FUT9: variants seen among roughly 807,000 people sequenced by gnomAD.
FUT9 encodes the protein 4-galactosyl-N-acetylglucosaminide 3-alpha-L-fucosyltransferase 9.
In FUT9, 15 loss-of-function variants were observed where a neutral mutation model predicts 29.7. The ratio of observed to expected loss-of-function variants is 0.51; its 90% CI spans 0.34 to 0.78. The LOEUF (loss-of-function observed/expected upper bound fraction) is 0.78, where lower values mean the gene tolerates loss of function less well. Among genes scored for constraint, FUT9 ranks in the 30% least tolerant of loss-of-function variants. The probability of loss-of-function intolerance (pLI) is 0.01; values close to 1 mark genes in which losing one functional copy is unlikely to be tolerated. For synonymous variants in FUT9, 169 were observed against 153.7 expected, an observed-to-expected ratio of 1.10 and a Z score of -0.74; for missense variants, 319 against 425.4, an observed-to-expected ratio of 0.75 and a Z score of 2.20.
intron 1 of FUT9, among the ~76,000 whole-genome samples, chr6:96,066,549 A>G (rs1156884112): frequency 1.3e-5 from 2 of 152,026 alleles, no homozygotes; most frequent in Non-Finnish European, 2.9e-5. Flanking sequence ...TTACTGTAAA[A>G]AAGAGGCCAC....
chr6:96,178,705 C>T (rs1241796662), intron 2 of FUT9, among the ~76,000 whole-genome samples: 1 of 152,020 alleles, frequency 6.6e-6, no homozygotes, highest in Non-Finnish European at 1.5e-5. Context: ...TTCAATTCCT[C>T]ATTTGATTTT....
chr6:96,167,536 T>C (rs1773036007), intron 2 of FUT9, among the ~76,000 whole-genome samples: 1 of 152,324 alleles, frequency 6.6e-6, no homozygotes, highest in Non-Finnish European at 1.5e-5. Context: ...AAGCACTTAC[T>C]GTGTGCCAGA....
chr6:96,084,653 A>G (rs1260329472), intron 1 of FUT9, among the ~76,000 whole-genome samples: 1 of 152,134 alleles, frequency 6.6e-6, no homozygotes, highest in African/African-American at 2.4e-5. Context: ...CTAGCTGTAT[A>G]TGAGCCATAA....
chr6:96,210,945 T>G lies in FUT9; in HGVS notation c.*6710T>G, dbSNP rs962278374. The stretch of plus-strand genomic sequence containing the variant: ...GGTAGCATATTTCTGAGAAATTATA[T>G]TCAGGTGACTAGATATGTGTTCAAG... On this transcript the variant is annotated 3_prime_UTR_variant, in exon 3 of 3. Coordinates refer to ENST00000302103, the MANE Select transcript of FUT9 (RefSeq NM_006581.4). 2 of 166,872 alleles carry G rather than the reference T, an allele frequency of 1.2e-5. No homozygotes were observed. The highest frequency in any genetic ancestry group is 4.8e-5 in the African/African-American group (2 of 41,434). 10.3% of individuals were successfully genotyped at this position (166,872 alleles called of 1,614,324 possible). A position where few individuals can be genotyped will look rare whatever the true frequency, so the allele number is the denominator to read the frequency against.
intron 1 of FUT9, among the ~76,000 whole-genome samples, chr6:96,052,920 AAAAAT>A (rs1276541019): frequency 6.6e-6 from 1 of 152,188 alleles, no homozygotes; most frequent in Non-Finnish European, 1.5e-5. Context: ...TTTAAAATAT[AAAAAT>A]AAAGTCTTGA....
intron 2 of FUT9, among the ~76,000 whole-genome samples, chr6:96,126,879 C>T (rs1194793020): frequency 6.6e-6 from 1 of 152,148 alleles, no homozygotes; most frequent in Admixed American, 6.5e-5. Context: ...TGGAAATGAG[C>T]CATCTGTAAT....
intron 2 of FUT9, among the ~76,000 whole-genome samples, chr6:96,114,705 T>C (rs1384867795): frequency 3.9e-5 from 6 of 152,122 alleles, no homozygotes; most frequent in Non-Finnish European, 2.9e-5. Context: ...CCTCTTACTG[T>C]TCATTTCACA....
At position 96,132,189 on chromosome 6, in the gene FUT9, T is replaced by C. The variant is rs192691164; in HGVS notation, c.-9+18062T>C. Among the ~76,000 whole-genome samples the C allele has an allele frequency of 4.5e-3, 684 of 152,186 alleles. 3 individuals carry two copies. Among genetic ancestry groups the C allele is most frequent in the Middle Eastern group, 0.031 (9 of 294 alleles). ...ATTTGTTTTTGATATTATTTGTTTTTTTAATAAATGCTAATACTTTATGGG... is the reference window on the plus strand; with the variant it reads ...ATTTGTTTTTGATATTATTTGTTTTCTTAATAAATGCTAATACTTTATGGG... On this transcript the variant is annotated intron_variant, in intron 2 of 2. Coordinates refer to ENST00000302103, the MANE Select transcript of FUT9 (RefSeq NM_006581.4).
At chr6:96,025,978 A>G (rs1770160737) in intron 1 of FUT9, among the ~76,000 whole-genome samples, 1 of 151,682 alleles carries the variant, frequency 6.6e-6, no homozygotes, top group Non-Finnish European at 1.5e-5. Flanking sequence ...AACATGAAGT[A>G]TACACATTAC....
At chr6:96,062,169 T>A (rs1014229702) in intron 1 of FUT9, among the ~76,000 whole-genome samples, 3 of 151,914 alleles carry the variant, frequency 2.0e-5, no homozygotes, top group Admixed American at 1.3e-4. Context: ...TGCATGTGTA[T>A]CTCAGAACTT....
chr6:96,123,959 G>A (rs552197363), intron 2 of FUT9, among the ~76,000 whole-genome samples: 3 of 151,760 alleles, frequency 2.0e-5, no homozygotes, highest in African/African-American at 7.2e-5. Context: ...TGGAAAGGTA[G>A]TACCCATTGA....
intron 1 of FUT9, among the ~76,000 whole-genome samples, chr6:96,065,466 G>A (rs1234899676): frequency 6.6e-6 from 1 of 152,100 alleles, no homozygotes; most frequent in Non-Finnish European, 1.5e-5. Context: ...CTGGCAACTT[G>A]CTCAGTTCTC....
In FUT9 at chr6:96,204,354, T is replaced by TAGAG; in HGVS notation, c.*121_*122insAGAG. 4 of 637,332 alleles carry TAGAG rather than the reference T, an allele frequency of 6.3e-6. No individual in the cohort carries two copies. Among genetic ancestry groups the TAGAG allele is most frequent in the African/African-American group, 1.9e-5 (1 of 53,590 alleles). The allele number at this position is 637,332 out of a possible 1,614,324, so 39.5% of individuals were successfully genotyped here. On this transcript the variant is annotated 3_prime_UTR_variant, in exon 3 of 3. Coordinates refer to ENST00000302103, the MANE Select transcript of FUT9 (RefSeq NM_006581.4). ...CACAATTTATTTTTATCACCCTCTC[T>TAGAG]AGGGTAACGTGTATATTTTGGTGGA...
chr6:96,073,036 A>G (rs961555255), intron 1 of FUT9, among the ~76,000 whole-genome samples: 1 of 152,176 alleles, frequency 6.6e-6, no homozygotes, highest in East Asian at 1.9e-4. Context: ...CAATCAGAAA[A>G]CAGAACAAAT....
chr6:96,065,166 T>A (rs1239761024), intron 1 of FUT9, among the ~76,000 whole-genome samples: 1 of 152,166 alleles, frequency 6.6e-6, no homozygotes, highest in Non-Finnish European at 1.5e-5. Context: ...CTAGGTAGAC[T>A]TGGCCAAATT....
intron 2 of FUT9, among the ~76,000 whole-genome samples, chr6:96,185,789 G>A (rs991795244): frequency 6.6e-6 from 1 of 151,970 alleles, no homozygotes; most frequent in African/African-American, 2.4e-5. Flanking sequence ...CACAAAATAT[G>A]GAACTTTCTT....
chr6:96,082,683 T>C (rs1261363489), intron 1 of FUT9, among the ~76,000 whole-genome samples: 1 of 151,960 alleles, frequency 6.6e-6, no homozygotes, highest in Non-Finnish European at 1.5e-5. Context: ...TAGTTTTCAA[T>C]TTTCTTAAAA....
At chr6:96,084,860 T>C (rs916763416) in intron 1 of FUT9, among the ~76,000 whole-genome samples, 4 of 152,182 alleles carry the variant, frequency 2.6e-5, no homozygotes, top group Non-Finnish European at 5.9e-5. Context: ...CCTGTTTATA[T>C]ATATAACCCT....
intron 2 of FUT9, among the ~76,000 whole-genome samples, chr6:96,129,796 A>C (rs1319282718): frequency 6.6e-6 from 1 of 152,016 alleles, no homozygotes; most frequent in South Asian, 2.1e-4. Context: ...TATTACTTTC[A>C]TAGTTCTTAT....
Sources: allele counts gnomAD v4.1 joint callset (sites outside exome capture counted in the v4.1 genomes callset), GRCh38; gene constraint gnomAD v4.1.1; transcripts MANE v1.5; gene names NCBI Gene and HGNC (gene_info 2026-07-23, HGNC 2026-07-21).